Variants in KCNQ3 observed in about 807,000 individuals in gnomAD.
KCNQ3 encodes potassium voltage-gated channel subfamily Q member 3.
A neutral mutation model predicts 92.5 loss-of-function variants in KCNQ3; 30 were observed. The observed-to-expected ratio is 0.32, with a 90% CI of 0.24 to 0.44. The LOEUF (loss-of-function observed/expected upper bound fraction) is 0.44. Among genes scored for constraint, KCNQ3 ranks in the 20% least tolerant of loss-of-function variants. The probability of loss-of-function intolerance (pLI) is 1.00; values close to 1 mark genes in which losing one functional copy is unlikely to be tolerated. For missense variants in KCNQ3, 913 were observed against 1,140.3 expected, an observed-to-expected ratio of 0.80 and a Z score of 2.87; for synonymous variants, 450 against 468.8, an observed-to-expected ratio of 0.96 and a Z score of 0.52.
At chr8:132,217,439 G>T (rs892011065) in intron 1 of KCNQ3, among the ~76,000 whole-genome samples, 1 of 152,100 alleles carries the variant, frequency 6.6e-6, no homozygotes, top group Admixed American at 6.5e-5. Context: ...GGCCGGACAC[G>T]GTGGCTCACG....
chr8:132,363,877 G>GTT (rs1433874595), intron 1 of KCNQ3, among the ~76,000 whole-genome samples: 1 of 151,716 alleles, frequency 6.6e-6, no homozygotes, highest in East Asian at 2.0e-4. Flanking sequence ...AAGCCAGGCT[G>GTT]TTCTAGTTTA....
chr8:132,154,683 T>A (rs1378820598), intron 9 of KCNQ3, among the ~76,000 whole-genome samples: 3 of 152,196 alleles, frequency 2.0e-5, no homozygotes, highest in Admixed American at 6.5e-5. Context: ...GCCTGGCCTC[T>A]CCTGTTCCTA....
At chr8:132,389,024 C>T (rs1010710514) in intron 1 of KCNQ3, among the ~76,000 whole-genome samples, 1 of 152,060 alleles carries the variant, frequency 6.6e-6, no homozygotes, top group Non-Finnish European at 1.5e-5. Flanking sequence ...CTACCTCACA[C>T]CATATACAAA....
intron 8 of KCNQ3, among the ~76,000 whole-genome samples, chr8:132,167,332 T>C (rs540823233): frequency 3.3e-5 from 5 of 152,272 alleles, no homozygotes; most frequent in Non-Finnish European, 5.9e-5. Context: ...ATAATAAAAT[T>C]GTTCTAGAAT....
chr8:132,233,721 G>A (rs1489499072), intron 1 of KCNQ3, among the ~76,000 whole-genome samples: 2 of 152,072 alleles, frequency 1.3e-5, no homozygotes, highest in Non-Finnish European at 2.9e-5. Flanking sequence ...GCCTAAACGG[G>A]TCCCTCATTT....
intron 1 of KCNQ3, among the ~76,000 whole-genome samples, chr8:132,406,398 A>G (rs1056200318): frequency 3.9e-5 from 6 of 152,140 alleles, no homozygotes; most frequent in African/African-American, 1.4e-4. Context: ...CCTTGCTCCT[A>G]ATGCTCCCAC....
intron 1 of KCNQ3, among the ~76,000 whole-genome samples, chr8:132,454,000 A>G (rs1307432875): frequency 6.6e-6 from 1 of 152,214 alleles, no homozygotes; most frequent in Non-Finnish European, 1.5e-5. Flanking sequence ...ATTAGTCAAC[A>G]GTGCTTGTTA....
chr8:132,329,614 C>T (rs1019933406), intron 1 of KCNQ3, among the ~76,000 whole-genome samples: 21 of 152,130 alleles, frequency 1.4e-4, no homozygotes, highest in African/African-American at 4.3e-4. Flanking sequence ...CATCCCAAGG[C>T]ACCCCCAGAT....
intron 1 of KCNQ3, among the ~76,000 whole-genome samples, chr8:132,472,182 A>T (rs898111784): frequency 1.3e-5 from 2 of 152,220 alleles, no homozygotes; most frequent in African/African-American, 4.8e-5. Flanking sequence ...TAGTACAGCC[A>T]CTATGGAAAG....
chr8:132,320,772 C>T (rs1188282453), intron 1 of KCNQ3, among the ~76,000 whole-genome samples: 1 of 152,106 alleles, frequency 6.6e-6, no homozygotes, highest in Non-Finnish European at 1.5e-5. Context: ...TCCAAGGCTG[C>T]TGTTATTTAT....
At chr8:132,392,790 C>CAAAAAAAAAAAAAAAAAAAAAAAAAAA (rs56183412) in intron 1 of KCNQ3, among the ~76,000 whole-genome samples, 1 of 72,638 alleles carries the variant, frequency 1.4e-5, no homozygotes, top group African/African-American at 7.0e-5. Flanking sequence ...GAACCTGTCT[C>CAAAAAAAAAAAAAAAAAAAAAAAAAAA]AAAAAAAAAA....
intron 8 of KCNQ3, among the ~76,000 whole-genome samples, chr8:132,168,011 A>G (rs1317029845): frequency 6.6e-6 from 1 of 152,234 alleles, no homozygotes; most frequent in African/African-American, 2.4e-5. Context: ...AAATGGAAAC[A>G]TGTAAGTCAT....
chr8:132,306,278 C>T (rs1489284740), intron 1 of KCNQ3, among the ~76,000 whole-genome samples: 1 of 152,200 alleles, frequency 6.6e-6, no homozygotes, highest in Non-Finnish European at 1.5e-5. Context: ...TTCTCTCTCT[C>T]CCAATCCTGG....
intron 9 of KCNQ3, among the ~76,000 whole-genome samples, chr8:132,162,659 C>A (rs1037557718): frequency 1.3e-5 from 2 of 152,134 alleles, no homozygotes; most frequent in African/African-American, 4.8e-5. Context: ...GAAAACACAC[C>A]CAAAGGAAAC....
intron 1 of KCNQ3, among the ~76,000 whole-genome samples, chr8:132,407,263 G>A (rs950754071): frequency 2.6e-5 from 4 of 152,146 alleles, no homozygotes; most frequent in Non-Finnish European, 5.9e-5. Flanking sequence ...ATGGACCCAC[G>A]ATCTTATTTA....
At chr8:132,398,267 G>A (rs1204705152) in intron 1 of KCNQ3, among the ~76,000 whole-genome samples, 1 of 151,930 alleles carries the variant, frequency 6.6e-6, no homozygotes. Flanking sequence ...TCAACTAGTT[G>A]GTTAATTGTT....
intron 1 of KCNQ3, among the ~76,000 whole-genome samples, chr8:132,468,232 C>A (rs1201371835): frequency 6.6e-6 from 1 of 152,116 alleles, no homozygotes; most frequent in Non-Finnish European, 1.5e-5. Flanking sequence ...TGAGACGAAG[C>A]AGAAGCTGGG....
chr8:132,135,223 C>T lies in KCNQ3; in HGVS notation c.1701-835G>A, dbSNP rs112852720. ...TGCTAAGGATAATAGCCTCCAGCTC[C>T]AACCATGTTCCTGCAAAAGATATGA... On this transcript the variant is annotated intron_variant, in intron 12 of 14. Transcript: ENST00000388996. Among the ~76,000 whole-genome samples, 164 of 152,314 alleles carry T rather than the reference C, an allele frequency of 1.1e-3. 1 individual carries two copies. Among genetic ancestry groups the T allele is most frequent in the Non-Finnish European group, 2.0e-3 (136 of 68,034 alleles).
intron 1 of KCNQ3, among the ~76,000 whole-genome samples, chr8:132,413,131 T>A (rs1820696251): frequency 6.6e-6 from 1 of 152,204 alleles, no homozygotes; most frequent in Non-Finnish European, 1.5e-5. Flanking sequence ...TTCAACCCAA[T>A]CTATATCATG....
Sources: allele counts gnomAD v4.1 joint callset (sites outside exome capture counted in the v4.1 genomes callset), GRCh38; gene constraint gnomAD v4.1.1; transcripts MANE v1.5; gene names NCBI Gene and HGNC (gene_info 2026-07-23, HGNC 2026-07-21).